ADAMTSL1: variants seen among roughly 807,000 people sequenced by gnomAD.
ADAMTSL1 encodes ADAMTS-like protein 1.
Under a neutral mutation model 201.8 loss-of-function variants are expected in ADAMTSL1, and 126 were observed. That is an observed-to-expected ratio of 0.62 (90% CI 0.54 to 0.72). ADAMTSL1 has a LOEUF of 0.72. Ranked by LOEUF, ADAMTSL1 falls within the 30% of genes least tolerant of loss-of-function variation. ADAMTSL1 has a pLI of 0.00. For synonymous variants in ADAMTSL1, 1,121 were observed against 903.4 expected (o/e 1.24, Z -4.32); for missense variants, 2,679 against 2,277.8 (o/e 1.18, Z -3.59).
intron 2 of ADAMTSL1, among the ~76,000 whole-genome samples, chr9:18,195,114 T>C: frequency 6.6e-6 from 1 of 152,226 alleles, no homozygotes; most frequent in African/African-American, 2.4e-5. Context: ...ACTCAATAAA[T>C]GTTGGCTGTT....
chr9:18,825,720 C>G (rs1000321192), intron 21 of ADAMTSL1, among the ~76,000 whole-genome samples: 1 of 151,652 alleles, frequency 6.6e-6, no homozygotes, highest in African/African-American at 2.4e-5. Flanking sequence ...CAGTCACAAC[C>G]CCTCCCCATT....
chr9:18,328,226 T>G (rs1382353844), intron 2 of ADAMTSL1, among the ~76,000 whole-genome samples: 2 of 152,182 alleles, frequency 1.3e-5, no homozygotes, highest in Non-Finnish European at 2.9e-5. Context: ...CTGTGGAGAG[T>G]GCATGTGTGT....
intron 1 of ADAMTSL1, among the ~76,000 whole-genome samples, chr9:18,153,322 C>T (rs1052078362): frequency 1.3e-5 from 2 of 152,010 alleles, no homozygotes; most frequent in Admixed American, 6.6e-5. Flanking sequence ...TTGGGAAAGT[C>T]GATCTACTTC....
intron 1 of ADAMTSL1, among the ~76,000 whole-genome samples, chr9:18,005,910 C>T (rs2131543923): frequency 6.6e-6 from 1 of 151,990 alleles, no homozygotes; most frequent in Middle Eastern, 3.4e-3. Flanking sequence ...GTGAGTTTTG[C>T]ATAGGTCATG....
chr9:18,381,373 T>C (rs1837547885), intron 2 of ADAMTSL1, among the ~76,000 whole-genome samples: 3 of 152,208 alleles, frequency 2.0e-5, no homozygotes. Flanking sequence ...TGTTTGGATA[T>C]TTTATCTTTA....
intron 2 of ADAMTSL1, among the ~76,000 whole-genome samples, chr9:18,402,452 A>T (rs548668103): frequency 4.6e-5 from 7 of 152,192 alleles, no homozygotes; most frequent in African/African-American, 1.7e-4. Flanking sequence ...TGTCTCCTTC[A>T]TTCCTGGTCT....
intron 22 of ADAMTSL1, among the ~76,000 whole-genome samples, chr9:18,827,202 A>T (rs1288200250): frequency 7.9e-5 from 12 of 152,130 alleles, no homozygotes; most frequent in Admixed American, 7.9e-4. Flanking sequence ...CTCAAAAAAA[A>T]GAGCAATTAT....
At position 18,574,191 on chromosome 9, in the gene ADAMTSL1, A is replaced by G. The variant is rs765446291; in HGVS notation, c.399A>G (p.Glu133=). ...CCAAAGGAACAACCCTGGTTGTTGA[A>G]CTAGCACCTAAGGTCTTAGATGGTA... ...CQAKGTTLVV[E]LAPKVLDGTR... is the part of the protein sequence containing the mutation. Residue 133 remains glutamate (E), a synonymous_variant, in exon 4 of 29, where the codon GAA becomes GAG. Transcript: ENST00000380548. 5.0e-6 allele frequency: 8 copies of G among 1,614,088 alleles called. No homozygotes were observed. Among genetic ancestry groups the G allele is most frequent in the African/African-American group, 1.3e-5 (1 of 74,938 alleles).
intron 1 of ADAMTSL1, among the ~76,000 whole-genome samples, chr9:17,941,534 G>A (rs1249758669): frequency 1.3e-5 from 2 of 152,050 alleles, no homozygotes; most frequent in East Asian, 1.9e-4. Context: ...AGAATCTCCT[G>A]TGTAATACAG....
intron 15 of ADAMTSL1, among the ~76,000 whole-genome samples, chr9:18,734,146 G>A (rs1020589821): frequency 6.6e-6 from 1 of 152,178 alleles, no homozygotes; most frequent in Non-Finnish European, 1.5e-5. Flanking sequence ...CCCAGAGAGT[G>A]GTTGTGAGGA....
At chr9:18,312,617 G>C (rs1587530660) in intron 2 of ADAMTSL1, among the ~76,000 whole-genome samples, 1 of 152,102 alleles carries the variant, frequency 6.6e-6, no homozygotes, top group Non-Finnish European at 1.5e-5. Context: ...AACATTCCTG[G>C]AGCAACACAA....
intron 4 of ADAMTSL1, among the ~76,000 whole-genome samples, chr9:18,591,585 C>A (rs1587658371): frequency 6.6e-6 from 1 of 152,046 alleles, no homozygotes; most frequent in Admixed American, 6.6e-5. Flanking sequence ...ATTTTGTAAC[C>A]TCTCTCTTCC....
At chr9:18,342,233 T>G (rs1334784863) in intron 2 of ADAMTSL1, among the ~76,000 whole-genome samples, 1 of 152,156 alleles carries the variant, frequency 6.6e-6, no homozygotes, top group East Asian at 1.9e-4. Context: ...TGATTACAAC[T>G]TGGGAAAAAT....
chr9:18,719,607 G>T (rs551702256), intron 14 of ADAMTSL1, among the ~76,000 whole-genome samples: 50 of 152,256 alleles, frequency 3.3e-4, no homozygotes, highest in Non-Finnish European at 6.0e-4. Context: ...CAGGTCATCC[G>T]TCCACCCTGG....
chr9:18,178,659 C>G (rs1828295631), intron 2 of ADAMTSL1, among the ~76,000 whole-genome samples: 1 of 150,490 alleles, frequency 6.6e-6, no homozygotes, highest in Non-Finnish European at 1.5e-5. Flanking sequence ...AGTGGTTCTC[C>G]CAGCACGCAG....
chr9:18,705,681 G>A (rs886235176), intron 13 of ADAMTSL1, among the ~76,000 whole-genome samples: 2 of 152,078 alleles, frequency 1.3e-5, no homozygotes, highest in South Asian at 2.1e-4. Flanking sequence ...AATGTGTAAC[G>A]AACAAGACTT....
At chr9:18,308,664 T>C (rs183284846) in intron 2 of ADAMTSL1, among the ~76,000 whole-genome samples, 5 of 152,238 alleles carry the variant, frequency 3.3e-5, no homozygotes, top group Admixed American at 3.3e-4. Context: ...AATAGACCAA[T>C]ATCAAGTTCT....
intron 1 of ADAMTSL1, among the ~76,000 whole-genome samples, chr9:17,915,763 C>G (rs917976332): frequency 3.9e-5 from 6 of 152,128 alleles, no homozygotes; most frequent in African/African-American, 1.2e-4. Context: ...ATAGCTTGTT[C>G]TGGGTTTTAA....
chr9:18,202,405 G>A (rs906580983), intron 2 of ADAMTSL1, among the ~76,000 whole-genome samples: 1 of 152,186 alleles, frequency 6.6e-6, no homozygotes, highest in African/African-American at 2.4e-5. Context: ...CTTTCAATAC[G>A]TGTGCTCAAT....
Sources: allele counts gnomAD v4.1 joint callset (sites outside exome capture counted in the v4.1 genomes callset), GRCh38; gene constraint gnomAD v4.1.1; transcripts MANE v1.5; gene names NCBI Gene and HGNC (gene_info 2026-07-23, HGNC 2026-07-21).